The following CNTNAP2 variants were observed in gnomAD, a reference collection of about 807,000 sequenced individuals.
The protein encoded by CNTNAP2 is contactin associated protein 2.
A neutral mutation model predicts 155.2 loss-of-function variants in CNTNAP2; 98 were observed. That is an observed-to-expected ratio of 0.63 (90% CI 0.54 to 0.75). The LOEUF (loss-of-function observed/expected upper bound fraction) is 0.75. Ranked by LOEUF, CNTNAP2 falls within the 30% of genes least tolerant of loss-of-function variation. The probability of loss-of-function intolerance (pLI) is 0.00; values close to 1 mark genes in which losing one functional copy is unlikely to be tolerated. For missense variants in CNTNAP2, 1,727 were observed against 1,688.1 expected (o/e 1.02, Z -0.40); for synonymous variants, 651 against 631.2 (o/e 1.03, Z -0.47).
rs1025550633 is a variant in CNTNAP2 at position 147,033,178 on chromosome 7, A to G, written c.403-10729A>G. Among the ~76,000 whole-genome samples the G allele has an allele frequency of 5.8e-4, 32 of 54,876 alleles. 1 individual carries two copies. The highest frequency in any genetic ancestry group is 1.7e-3 in the South Asian group (2 of 1,158). 36.0% of individuals were successfully genotyped at this position (54,876 alleles called of 152,430 possible). A position where few individuals can be genotyped will look rare whatever the true frequency, so the allele number is the denominator to read the frequency against. On this transcript the variant is annotated intron_variant, in intron 3 of 23. Transcript: ENST00000361727. ...TATATATGTATATATATATATATATATATATATATATATATATATATATAT... is the reference window on the plus strand; with the variant it reads ...TATATATGTATATATATATATATATGTATATATATATATATATATATATAT...
chr7:146,960,988 T>G (rs1797547451), intron 3 of CNTNAP2, among the ~76,000 whole-genome samples: 1 of 152,178 alleles, frequency 6.6e-6, no homozygotes, highest in Non-Finnish European at 1.5e-5. Flanking sequence ...AGTGGGCAGC[T>G]CTCACCCGCT....
At chr7:147,995,822 G>A (rs143655037) in intron 15 of CNTNAP2, among the ~76,000 whole-genome samples, 25 of 151,242 alleles carry the variant, frequency 1.7e-4, no homozygotes, top group East Asian at 4.0e-4. Flanking sequence ...CTCCCTGTCC[G>A]AATTCTTAGA....
chr7:147,277,137 G>A (rs562109132), intron 8 of CNTNAP2, among the ~76,000 whole-genome samples: 27 of 152,102 alleles, frequency 1.8e-4, no homozygotes, highest in African/African-American at 6.3e-4. Flanking sequence ...TCCTGTGAGT[G>A]AAATATGATA....
chr7:146,195,908 C>T (rs1185094403), intron 1 of CNTNAP2, among the ~76,000 whole-genome samples: 1 of 152,236 alleles, frequency 6.6e-6, no homozygotes, highest in Non-Finnish European at 1.5e-5. Context: ...GTAAGTCAAA[C>T]TCCCTTCATG....
chr7:148,113,828 G>C (rs1367580687), intron 15 of CNTNAP2, among the ~76,000 whole-genome samples: 1 of 152,164 alleles, frequency 6.6e-6, no homozygotes, highest in African/African-American at 2.4e-5. Flanking sequence ...TAAAGCTTTT[G>C]ACTCCAGCCC....
At chr7:147,528,576 C>G (rs1291824375) in intron 11 of CNTNAP2, among the ~76,000 whole-genome samples, 1 of 152,202 alleles carries the variant, frequency 6.6e-6, no homozygotes, top group Non-Finnish European at 1.5e-5. Flanking sequence ...TGCTCACACA[C>G]AGACTAGCTT....
intron 1 of CNTNAP2, among the ~76,000 whole-genome samples, chr7:146,509,002 A>T (rs953081750): frequency 6.6e-6 from 1 of 152,162 alleles, no homozygotes; most frequent in Non-Finnish European, 1.5e-5. Context: ...TAGTCACCTC[A>T]TGTATGCAGC....
intron 3 of CNTNAP2, among the ~76,000 whole-genome samples, chr7:147,006,306 G>C (rs1584778983): frequency 6.6e-6 from 1 of 152,012 alleles, no homozygotes; most frequent in Non-Finnish European, 1.5e-5. Context: ...ATTTATGTAG[G>C]TGTCTTCTCA....
At chr7:147,026,687 A>G (rs1798928022) in intron 3 of CNTNAP2, among the ~76,000 whole-genome samples, 1 of 151,390 alleles carries the variant, frequency 6.6e-6, no homozygotes, top group Non-Finnish European at 1.5e-5. Context: ...TTCACAGGAT[A>G]TTTTCCAAAG....
intron 1 of CNTNAP2, among the ~76,000 whole-genome samples, chr7:146,728,623 A>C (rs1388941466): frequency 2.0e-5 from 3 of 151,932 alleles, no homozygotes; most frequent in Non-Finnish European, 2.9e-5. Context: ...AAAAAAAAAA[A>C]AACGAAACAA....
intron 9 of CNTNAP2, among the ~76,000 whole-genome samples, chr7:147,353,861 T>C (rs13243380): frequency 0.23 from 34,550 of 152,116 alleles, 4,318 homozygotes; most frequent in Non-Finnish European, 0.28. Flanking sequence ...TGGTATCTTA[T>C]TGTGGTTTTT....
intron 13 of CNTNAP2, among the ~76,000 whole-genome samples, chr7:147,868,422 G>A (rs1799269933): frequency 6.6e-6 from 1 of 152,182 alleles, no homozygotes; most frequent in Non-Finnish European, 1.5e-5. Flanking sequence ...GCTACACAGG[G>A]GTCAGGGACC....
At chr7:147,414,710 G>C (rs1169479416) in intron 10 of CNTNAP2, among the ~76,000 whole-genome samples, 2 of 151,968 alleles carry the variant, frequency 1.3e-5, no homozygotes, top group Non-Finnish European at 2.9e-5. Flanking sequence ...GGGAGGCCAA[G>C]GTGGGCGGAT....
At chr7:147,316,831 C>G (rs10952679) in intron 9 of CNTNAP2, among the ~76,000 whole-genome samples, 5,619 of 152,238 alleles carry the variant, frequency 0.037, 347 homozygotes, top group African/African-American at 0.13. Flanking sequence ...GAGTATTATG[C>G]AGCCACCCAA....
chr7:146,347,273 A>G (rs1794834029), intron 1 of CNTNAP2, among the ~76,000 whole-genome samples: 1 of 152,130 alleles, frequency 6.6e-6, no homozygotes, highest in African/African-American at 2.4e-5. Context: ...AAGAATGTTC[A>G]GGCAGAGATT....
At chr7:148,092,825 A>G (rs922041723) in intron 15 of CNTNAP2, among the ~76,000 whole-genome samples, 7 of 148,950 alleles carry the variant, frequency 4.7e-5, no homozygotes, top group African/African-American at 1.7e-4. Flanking sequence ...TATGAAAATG[A>G]TTTATTAGAC....
intron 11 of CNTNAP2, among the ~76,000 whole-genome samples, chr7:147,550,947 A>G (rs771667610): frequency 3.9e-5 from 6 of 152,170 alleles, no homozygotes; most frequent in Non-Finnish European, 1.5e-5. Context: ...GGGTAAGGAG[A>G]TAGTATCCAT....
At chr7:146,675,098 T>C (rs1800376005) in intron 1 of CNTNAP2, among the ~76,000 whole-genome samples, 1 of 152,264 alleles carries the variant, frequency 6.6e-6, no homozygotes, top group South Asian at 2.1e-4. Context: ...AAACATTACA[T>C]CTTATTTATT....
rs185199471 is a variant in CNTNAP2, at chr7:147,125,586, C to G, written c.940-3107C>G. 3.7e-3 allele frequency among the ~76,000 whole-genome samples: 557 copies of G among 152,306 alleles called. 10 individuals carry two copies. The highest frequency in any genetic ancestry group is 0.012 in the Admixed American group (184 of 15,294). On this transcript the variant is annotated intron_variant, in intron 6 of 23. Coordinates refer to ENST00000361727, the MANE Select transcript of CNTNAP2 (RefSeq NM_014141.6). ...CCCACTGTGGATATTATGCTGTTGT[C>G]TTTTGCAATACAGCTCTGCTAGGGA...
Sources: gnomAD v4.1 joint callset for allele counts (sites outside exome capture counted in the v4.1 genomes callset) on GRCh38, gnomAD v4.1.1 for gene constraint, MANE v1.5 for transcripts, NCBI Gene and HGNC (gene_info 2026-07-23, HGNC 2026-07-21) for gene names.